SDR42E2: variants seen among roughly 807,000 people sequenced by gnomAD.
SDR42E2 encodes short chain dehydrogenase/reductase family 42E, member 2.
A neutral mutation model predicts 10.5 loss-of-function variants in SDR42E2; 20 were observed. The ratio of observed to expected loss-of-function variants is 1.90; its 90% CI spans 1.34 to 2.77. The LOEUF (loss-of-function observed/expected upper bound fraction) is 2.77, where lower values mean the gene tolerates loss of function less well. SDR42E2 is among the 30% of genes most tolerant of loss of function. The pLI is 0.00. For synonymous variants in SDR42E2, 72 were observed against 39.2 expected (o/e 1.84, Z -3.12); for missense variants, 162 against 104.2 (o/e 1.55, Z -2.42).
chr16:22,164,332 G>A (rs1022521354), intron 1 of SDR42E2, among the ~76,000 whole-genome samples: 7 of 152,160 alleles, frequency 4.6e-5, no homozygotes, highest in African/African-American at 9.7e-5. Context: ...GCTGAGGTGG[G>A]AGGATCACTT....
intron 4 of SDR42E2, among the ~76,000 whole-genome samples, chr16:22,168,844 C>A (rs1340839910): frequency 6.6e-6 from 1 of 151,950 alleles, no homozygotes; most frequent in Non-Finnish European, 1.5e-5. Context: ...CTACACTCCA[C>A]CTTGGACAAC....
At chr16:22,179,903 CG>C (rs531573390) in intron 8 of SDR42E2, among the ~76,000 whole-genome samples, 7 of 150,886 alleles carry the variant, frequency 4.6e-5, no homozygotes, top group Non-Finnish European at 1.0e-4. Flanking sequence ...CAGGTAGTCA[CG>C]GGGGGGCTCA....
chr16:22,168,564 C>T (rs1238230972), intron 4 of SDR42E2, among the ~76,000 whole-genome samples: 1 of 151,778 alleles, frequency 6.6e-6, no homozygotes, highest in Admixed American at 6.6e-5. Flanking sequence ...CCACACCTGG[C>T]CAAAAATTTT....
At chr16:22,168,692 A>G (rs1352659156) in intron 4 of SDR42E2, among the ~76,000 whole-genome samples, 4 of 151,964 alleles carry the variant, frequency 2.6e-5, no homozygotes, top group African/African-American at 9.7e-5. Context: ...GACCAACATG[A>G]TGAAACCCCA....
At chr16:22,183,918 G>T (rs932439079) in intron 10 of SDR42E2, among the ~76,000 whole-genome samples, 2 of 141,088 alleles carry the variant, frequency 1.4e-5, no homozygotes, top group Non-Finnish European at 3.0e-5. Flanking sequence ...AACACATCAA[G>T]ACCCCTGATT....
intron 4 of SDR42E2, among the ~76,000 whole-genome samples, chr16:22,168,945 AT>A (rs1277326862): frequency 6.6e-6 from 1 of 152,192 alleles, no homozygotes; most frequent in Admixed American, 6.5e-5. Flanking sequence ...TGAGAATTAA[AT>A]GAGATCATGG....
chr16:22,189,845 G>A (rs1435802639), intron 12 of SDR42E2, among the ~76,000 whole-genome samples: 4 of 152,144 alleles, frequency 2.6e-5, no homozygotes, highest in Non-Finnish European at 2.9e-5. Flanking sequence ...TGAGTGTAGG[G>A]GTGAGACCTT....
At chr16:22,189,678 C>A (rs1369107793) in intron 12 of SDR42E2, among the ~76,000 whole-genome samples, 1 of 152,194 alleles carries the variant, frequency 6.6e-6, no homozygotes, top group Non-Finnish European at 1.5e-5. Flanking sequence ...AAGGCTGCGA[C>A]TGGGGCCCTC....
intron 7 of SDR42E2, among the ~76,000 whole-genome samples, chr16:22,173,905 G>GTATATATATATATATATATATATATA (rs770541596): frequency 1.0e-4 from 12 of 115,006 alleles, no homozygotes; most frequent in Non-Finnish European, 1.6e-4. Context: ...ATGTGTGTGT[G>GTATATATATATATATATATATATATA]TATATATATA....
At chr16:22,163,791 G>A (rs1357447685) in intron 1 of SDR42E2, among the ~76,000 whole-genome samples, 1 of 152,128 alleles carries the variant, frequency 6.6e-6, no homozygotes, top group African/African-American at 2.4e-5. Flanking sequence ...GAGCAGGGCA[G>A]TAACAGAGGA....
intron 11 of SDR42E2, among the ~76,000 whole-genome samples, chr16:22,184,844 G>A (rs1045665777): frequency 1.3e-5 from 2 of 152,098 alleles, no homozygotes; most frequent in Admixed American, 6.6e-5. Context: ...GAGGTGACCC[G>A]AGGCTCTGAG....
At chr16:22,169,309 A>G in intron 4 of SDR42E2, 136 bp from the exon 5 acceptor site, 1 of 656,234 alleles carries the variant, frequency 1.5e-6, no homozygotes, top group Non-Finnish European at 2.8e-6. Context: ...CCCACACTCC[A>G]GGTGGGCCTT....
At chr16:22,168,142 C>A (rs1448289724) in intron 4 of SDR42E2, among the ~76,000 whole-genome samples, 1 of 152,078 alleles carries the variant, frequency 6.6e-6, no homozygotes, top group Non-Finnish European at 1.5e-5. Context: ...CACCTGTAAT[C>A]CCAGCACTTT....
intron 10 of SDR42E2, among the ~76,000 whole-genome samples, chr16:22,183,075 T>C (rs767679296): frequency 2.0e-5 from 3 of 152,144 alleles, no homozygotes; most frequent in Non-Finnish European, 4.4e-5. Context: ...AGGGGCGCCA[T>C]GTGTTCCTCA....
chr16:22,189,350 A>ACCT (rs1567247112), intron 12 of SDR42E2, among the ~76,000 whole-genome samples: 1 of 152,152 alleles, frequency 6.6e-6, no homozygotes, highest in Non-Finnish European at 1.5e-5. Flanking sequence ...AGAAGAAATT[A>ACCT]GGCTAGAACC....
At position 22,181,535 on chromosome 16, in the gene SDR42E2, G is replaced by T. The variant is rs994802242; in HGVS notation, c.689G>T (p.Arg230Met). ...LPRVAGHIKK[R>M]LFMFRFGDHK... is the part of the protein sequence containing the mutation. ...CTCCACCAGGGCCACATCAAGAAGA[G>T]GCTGTTCATGTTCCGATTTGGGGAC... is the stretch of plus-strand genomic sequence containing the variant. Residue 230 changes from arginine (R) to methionine (M), a missense_variant, in exon 9 of 13, where the codon AGG becomes ATG. By Grantham distance (91) the Arg-to-Met change is moderately conservative. Transcript: ENST00000602312. 1.4e-6 allele frequency: 1 copy of T among 702,940 alleles called. No homozygotes were observed. Among genetic ancestry groups the T allele is most frequent in the African/African-American group, 1.7e-5 (1 of 57,250 alleles). 43.5% of individuals were successfully genotyped at this position (702,940 alleles called of 1,614,324 possible).
intron 1 of SDR42E2, among the ~76,000 whole-genome samples, chr16:22,164,327 G>T (rs1250221236): frequency 6.6e-6 from 1 of 152,176 alleles, no homozygotes; most frequent in Non-Finnish European, 1.5e-5. Context: ...GGGAGGCTGA[G>T]GTGGGAGGAT....
chr16:22,174,324 C>T (rs969747834), intron 7 of SDR42E2, among the ~76,000 whole-genome samples: 3 of 151,978 alleles, frequency 2.0e-5, no homozygotes, highest in African/African-American at 7.3e-5. Context: ...CAGAGCGAGA[C>T]TCCATCTCAA....
chr16:22,180,428 C>T (rs771239973), intron 8 of SDR42E2, among the ~76,000 whole-genome samples: 3 of 151,940 alleles, frequency 2.0e-5, no homozygotes, highest in Non-Finnish European at 4.4e-5. Context: ...TGGCTGAGCA[C>T]GCTGGCTCAT....
Sources: allele counts gnomAD v4.1 joint callset (sites outside exome capture counted in the v4.1 genomes callset), GRCh38; gene constraint gnomAD v4.1.1; transcripts MANE v1.5; gene names NCBI Gene and HGNC (gene_info 2026-07-23, HGNC 2026-07-21).